DCX: variants seen among roughly 807,000 people sequenced by gnomAD.
DCX encodes doublecortin, also known as neuronal migration protein doublecortin.
In DCX, 4 loss-of-function variants were observed where a neutral mutation model predicts 20.9. The observed-to-expected ratio is 0.19, with a 90% CI of 0.09 to 0.44. DCX has a LOEUF of 0.44. Ranked by LOEUF, DCX falls within the 20% of genes least tolerant of loss-of-function variation. The pLI, the probability that DCX is intolerant of heterozygous loss-of-function variation, is 0.99. For missense variants in DCX, 133 were observed against 296.9 expected (o/e 0.45, Z 4.06); for synonymous variants, 103 against 111.4 (o/e 0.92, Z 0.47).
intron 3 of DCX, among the ~76,000 whole-genome samples, chrX:111,339,572 T>C (rs751616593): frequency 2.7e-5 from 3 of 111,988 alleles, no homozygotes; most frequent in Non-Finnish European, 5.6e-5. Flanking sequence ...TGTTTCTTTA[T>C]ATATTACCCA....
At chrX:111,375,414 A>G (rs1925456290) in intron 3 of DCX, among the ~76,000 whole-genome samples, 1 of 111,139 alleles carries the variant, frequency 9.0e-6, no homozygotes, top group Non-Finnish European at 1.9e-5. Flanking sequence ...TGAATCTATT[A>G]TTATTTCAAA....
chrX:111,408,652 A>AAGAAAGAG (rs1928428370), intron 2 of DCX, among the ~76,000 whole-genome samples: 1 of 104,691 alleles, frequency 9.6e-6, no homozygotes, highest in Non-Finnish European at 2.0e-5. Context: ...GAAAGAAAGA[A>AAGAAAGAG]AGAAAGAAAG....
intron 3 of DCX, among the ~76,000 whole-genome samples, chrX:111,364,155 G>A (rs188442674): frequency 3.6e-4 from 40 of 112,063 alleles, no homozygotes; most frequent in African/African-American, 1.3e-3. Context: ...TTTGGACTGG[G>A]TGGGACTCAG....
intron 6 of DCX, among the ~76,000 whole-genome samples, chrX:111,312,125 C>T (rs1439302160): frequency 1.8e-5 from 2 of 112,814 alleles, no homozygotes; most frequent in African/African-American, 6.4e-5. Flanking sequence ...TATATGTGCT[C>T]TCTTCCTATT....
intron 3 of DCX, among the ~76,000 whole-genome samples, chrX:111,391,353 C>T (rs189527258): frequency 2.7e-5 from 3 of 111,451 alleles, no homozygotes; most frequent in Admixed American, 9.6e-5. Context: ...CCTATTAAGC[C>T]TGTGGAACTG....
At chrX:111,374,671 A>G (rs1331627235) in intron 3 of DCX, among the ~76,000 whole-genome samples, 1 of 110,324 alleles carries the variant, frequency 9.1e-6, no homozygotes, top group Non-Finnish European at 1.9e-5. Flanking sequence ...TTTCTCAACT[A>G]GCACCTTTCT....
At position 111,410,155 on chromosome X, in the gene DCX, C is replaced by T. The variant is rs1305044719; in HGVS notation, c.244G>A (p.Ala82Thr). The T allele has an allele frequency of 9.9e-6, 12 of 1,211,579 alleles. No homozygotes were observed. The highest frequency in any genetic ancestry group is 3.0e-5 in the East Asian group (1 of 33,782). The change falls in exon 2 of 7, where the codon GCC becomes ACC. Residue 82 changes from alanine (A) to threonine (T), a missense_variant. This residue lies in a region of DCX where 65 missense variants were observed against 212.6 expected (regional missense o/e 0.31). Transcript: ENST00000636035. ...GATCGCGTCAGGTCAGCCAGCAAGGCGTCAAAGCTGCGAAAACGGTCAGAG... is the reference window on the plus strand; with the variant it reads ...GATCGCGTCAGGTCAGCCAGCAAGGTGTCAAAGCTGCGAAAACGGTCAGAG... ...VSSDRFRSFDALLADLTRSLS... is the reference protein window; with the variant it reads ...VSSDRFRSFDTLLADLTRSLS...
At chrX:111,326,465 C>T (rs904805714) in intron 5 of DCX, among the ~76,000 whole-genome samples, 1 of 111,795 alleles carries the variant, frequency 8.9e-6, no homozygotes, top group Non-Finnish European at 1.9e-5. Context: ...GGCTTACCTT[C>T]GCTCATCAAA....
At chrX:111,330,315 C>T (rs1487132629) in intron 5 of DCX, among the ~76,000 whole-genome samples, 1 of 112,391 alleles carries the variant, frequency 8.9e-6, no homozygotes, top group Non-Finnish European at 1.9e-5. Flanking sequence ...ACTCACTATC[C>T]ACTAAATAGA....
chrX:111,335,222 G>T (rs1921612461), intron 3 of DCX, among the ~76,000 whole-genome samples: 1 of 112,145 alleles, frequency 8.9e-6, no homozygotes, highest in African/African-American at 3.2e-5. Flanking sequence ...TGGTCTCAAG[G>T]ATTTGGCACT....
intron 3 of DCX, among the ~76,000 whole-genome samples, chrX:111,368,488 C>A (rs1020859122): frequency 9.0e-6 from 1 of 111,358 alleles, no homozygotes; most frequent in African/African-American, 3.3e-5. Flanking sequence ...ATTATTTTAT[C>A]TTAGGGGAAC....
chrX:111,364,185 T>C (rs1278202643), intron 3 of DCX, among the ~76,000 whole-genome samples: 1 of 112,036 alleles, frequency 8.9e-6, no homozygotes, highest in Non-Finnish European at 1.9e-5. Context: ...AGGGAGGATA[T>C]ACAAGACACT....
chrX:111,301,397 A>G lies in DCX; in HGVS notation c.*290T>C. 7.9e-6 allele frequency: 3 copies of G among 380,044 alleles called. No individual in the cohort carries two copies. The highest frequency in any genetic ancestry group is 1.4e-5 in the Non-Finnish European group (3 of 215,266). 31.3% of individuals were successfully genotyped at this position (380,044 alleles called of 1,213,427 possible). A position where few individuals can be genotyped will look rare whatever the true frequency, so the allele number is the denominator to read the frequency against. On this transcript the variant is annotated 3_prime_UTR_variant, in exon 7 of 7. Coordinates refer to ENST00000636035, the MANE Select transcript of DCX (RefSeq NM_001195553.2). Reference sequence around the variant, plus strand: ...CAGGGCAAATATAACGCAGGCACCTAAGCTTTCCATTGAAAGGTCATGGAC... The same window carrying G: ...CAGGGCAAATATAACGCAGGCACCTGAGCTTTCCATTGAAAGGTCATGGAC...
At chrX:111,314,048 T>C (rs1463988765) in intron 5 of DCX, among the ~76,000 whole-genome samples, 3 of 112,200 alleles carry the variant, frequency 2.7e-5, no homozygotes, top group Non-Finnish European at 3.8e-5. Context: ...GATACATTCC[T>C]TCTGCACCAC....
chrX:111,400,147 G>A (rs1927655476), intron 3 of DCX, among the ~76,000 whole-genome samples: 2 of 111,799 alleles, frequency 1.8e-5, no homozygotes, highest in Admixed American at 1.9e-4. Context: ...TGGGAGACCA[G>A]AATTCTCTTT....
Position 111,303,822 on chromosome X carries a change from G to T in DCX, c.1045-2079C>A, listed in dbSNP as rs2095039261. ...TACCATCCCTTCACTGTAAGTCAGG[G>T]ATTAGCAAAATTTTCTGTAAAAGAT... On this transcript the variant is annotated intron_variant, in intron 6 of 6. Transcript: ENST00000636035. Among the ~76,000 whole-genome samples the T allele has an allele frequency of 1.1e-4, 12 of 111,932 alleles. No individual in the cohort carries two copies. The Admixed American group carries it at 1.1e-3, about 11-fold the overall frequency.
chrX:111,362,317 C>G (rs1365206715), intron 3 of DCX, among the ~76,000 whole-genome samples: 1 of 111,023 alleles, frequency 9.0e-6, no homozygotes, highest in Non-Finnish European at 1.9e-5. Flanking sequence ...TCATCCTCTC[C>G]TCCTTGCATG....
In DCX at chrX:111,410,353, T is replaced by A; in HGVS notation, c.46A>T (p.Arg16Trp). 1 of 1,211,456 alleles carries A rather than the reference T, an allele frequency of 8.3e-7. No homozygotes were observed. Among genetic ancestry groups the A allele is most frequent in the Non-Finnish European group, 1.1e-6 (1 of 895,401 alleles). The change falls in exon 2 of 7, where the codon AGG (arginine) becomes TGG (tryptophan). Residue 16 changes from arginine to tryptophan, a missense_variant. Coordinates refer to ENST00000636035, the MANE Select transcript of DCX (RefSeq NM_001195553.2). ...TTCATCCGGGAGCCTCGCATGTTCC[T>A]GGATGTCTTATCTCTTTCGTCAAAG... is the stretch of plus-strand genomic sequence containing the variant. ...GHFDERDKTS[R>W]NMRGSRMNGL...
At chrX:111,332,770 A>T (rs1041613872) in intron 4 of DCX, among the ~76,000 whole-genome samples, 2 of 112,029 alleles carry the variant, frequency 1.8e-5, no homozygotes, top group East Asian at 2.8e-4. Context: ...TGTGCCTGTT[A>T]TCCCATGTGA....
Sources: gnomAD v4.1 joint callset for allele counts (sites outside exome capture counted in the v4.1 genomes callset) on GRCh38, gnomAD v4.1.1 for gene constraint, gnomAD v4.1.1 regional missense constraint, MANE v1.5 for transcripts, NCBI Gene and HGNC (gene_info 2026-07-23, HGNC 2026-07-21) for gene names.